Variants in TNR observed in about 807,000 individuals in gnomAD.
TNR encodes the protein tenascin-R.
A neutral mutation model predicts 150.4 loss-of-function variants in TNR; 45 were observed. That is an observed-to-expected ratio of 0.30 (90% CI 0.24 to 0.38). TNR has a LOEUF of 0.38. Among genes scored for constraint, TNR ranks in the 10% least tolerant of loss-of-function variants. The pLI, the probability that TNR is intolerant of heterozygous loss-of-function variation, is 1.00. For synonymous variants in TNR, 687 were observed against 678.4 expected, an observed-to-expected ratio of 1.01 and a Z score of -0.20; for missense variants, 1,544 against 1,759.1, an observed-to-expected ratio of 0.88 and a Z score of 2.19.
chr1:175,735,077 T>G (rs758763951), intron 1 of TNR, among the ~76,000 whole-genome samples: 4 of 152,256 alleles, frequency 2.6e-5, no homozygotes, highest in Non-Finnish European at 4.4e-5. Flanking sequence ...TGGCACAGAC[T>G]GGGTCACCGT....
At position 175,640,936 on chromosome 1, in the gene TNR, T is replaced by C. The variant is rs145181844; in HGVS notation, c.-165+102290A>G. On this transcript the variant is annotated intron_variant, in intron 1 of 22. Transcript: ENST00000367674. ...TTGTATGAGATTATGTAACTGCCTA[T>C]GTGCTGCTGGAAAAAGGTAACAACC... 3.2e-3 allele frequency among the ~76,000 whole-genome samples: 490 copies of C among 152,234 alleles called. 1 individual carries two copies. The highest frequency in any genetic ancestry group is 0.011 in the African/African-American group (469 of 41,536).
chr1:175,389,027 A>G (rs887454625), intron 7 of TNR, among the ~76,000 whole-genome samples: 1 of 152,296 alleles, frequency 6.6e-6, no homozygotes, highest in African/African-American at 2.4e-5. Context: ...TTTGTCTTTT[A>G]CTAATACTTT....
intron 1 of TNR, among the ~76,000 whole-genome samples, chr1:175,626,093 T>C (rs1664147056): frequency 6.6e-6 from 1 of 152,168 alleles, no homozygotes; most frequent in Non-Finnish European, 1.5e-5. Flanking sequence ...TCATTCTCTC[T>C]TGCCACTGCC....
intron 1 of TNR, among the ~76,000 whole-genome samples, chr1:175,531,627 C>T (rs1045789902): frequency 1.3e-5 from 2 of 152,224 alleles, no homozygotes; most frequent in African/African-American, 4.8e-5. Context: ...GACTCTCCAG[C>T]AGCTTCAGTA....
At chr1:175,536,237 C>A (rs1660275375) in intron 1 of TNR, among the ~76,000 whole-genome samples, 1 of 152,134 alleles carries the variant, frequency 6.6e-6, no homozygotes, top group Non-Finnish European at 1.5e-5. Flanking sequence ...GATTCGTGTG[C>A]TTCACTAGGC....
At position 175,366,044 on chromosome 1, in the gene TNR, G is replaced by A. The variant is rs1361756428; in HGVS notation, c.2148C>T (p.Tyr716=). The A allele has an allele frequency of 2.5e-6, 4 of 1,613,998 alleles. No individual in the cohort carries two copies. Among genetic ancestry groups the A allele is most frequent in the Non-Finnish European group, 3.4e-6 (4 of 1,179,998 alleles). The change falls in exon 11 of 23, where the codon TAC becomes TAT. Residue 716 remains tyrosine (Y), a synonymous_variant. Transcript: ENST00000367674. ...WTKASGPIDH[Y]RITFTPSSGI... ...CAGAGGATGGGGTAAAGGTAATTCG[G>A]TAGTGGTCAATGGGGCCACTGGCCT...
At chr1:175,633,079 A>G (rs1214831544) in intron 1 of TNR, among the ~76,000 whole-genome samples, 1 of 152,088 alleles carries the variant, frequency 6.6e-6, no homozygotes, top group African/African-American at 2.4e-5. Context: ...TCCCTGCTTT[A>G]CAACTATTTA....
Position 175,323,076 on chromosome 1 carries a change from T to G in TNR, c.*281A>C, listed in dbSNP as rs1267712348. On this transcript the variant is annotated 3_prime_UTR_variant, in exon 23 of 23. Transcript: ENST00000367674. ...CTGCACCCCACGACTTGGCTTTGAA[T>G]TGGCCCTTTAAGAAAACTTCCTACT... is the stretch of plus-strand genomic sequence containing the variant. 1 of 314,064 alleles carries G rather than the reference T, an allele frequency of 3.2e-6. No homozygotes were observed. The highest frequency in any genetic ancestry group is 6.2e-5 in the East Asian group (1 of 16,028). The allele number at this position is 314,064 out of a possible 1,614,324, so 19.5% of individuals were successfully genotyped here.
At chr1:175,617,208 CG>C (rs1418197156) in intron 1 of TNR, among the ~76,000 whole-genome samples, 2 of 152,162 alleles carry the variant, frequency 1.3e-5, no homozygotes, top group African/African-American at 4.8e-5. Flanking sequence ...TTTCTGATAC[CG>C]GAACACCTTT....
chr1:175,550,898 C>T (rs184002375), intron 1 of TNR, among the ~76,000 whole-genome samples: 5 of 151,906 alleles, frequency 3.3e-5, no homozygotes, highest in Non-Finnish European at 5.9e-5. Flanking sequence ...ATTAAGATAA[C>T]AGGGAAAAAT....
chr1:175,650,852 CCCATCT>C (rs1664951901), intron 1 of TNR, among the ~76,000 whole-genome samples: 3 of 60,542 alleles, frequency 5.0e-5, no homozygotes, highest in East Asian at 4.3e-4. Context: ...CTCATTACTA[CCCATCT>C]CCCACCTCAT....
intron 1 of TNR, among the ~76,000 whole-genome samples, chr1:175,607,455 C>T (rs776152225): frequency 9.2e-5 from 14 of 152,214 alleles, no homozygotes; most frequent in Non-Finnish European, 1.8e-4. Flanking sequence ...AGATTGGAAA[C>T]ATTTCCCCAA....
chr1:175,586,123 A>G (rs10913022), intron 1 of TNR, among the ~76,000 whole-genome samples: 14,413 of 152,138 alleles, frequency 0.095, 772 homozygotes, highest in Middle Eastern at 0.15. Flanking sequence ...TAATGACTCA[A>G]TCTTTGGTGA....
chr1:175,563,599 A>G (rs1661517904), intron 1 of TNR, among the ~76,000 whole-genome samples: 1 of 152,158 alleles, frequency 6.6e-6, no homozygotes, highest in Non-Finnish European at 1.5e-5. Flanking sequence ...CCATCAATTA[A>G]ATTAGGGCAG....
chr1:175,379,537 A>G lies in TNR; in HGVS notation c.1963+15T>C, dbSNP rs1571360653. 6.2e-7 allele frequency: 1 copy of G among 1,608,946 alleles called. No individual in the cohort carries two copies. The highest frequency in any genetic ancestry group is 8.5e-7 in the Non-Finnish European group (1 of 1,177,378). ...TCAGCAACCAGCATAACCCCAAGAG[A>G]TAGGTCTTACTCACCTGTCAGGGTG... On this transcript the variant is annotated intron_variant, in intron 9 of 22. Transcript: ENST00000367674.
chr1:175,478,227 T>C (rs1031424865), intron 2 of TNR, among the ~76,000 whole-genome samples: 3 of 152,150 alleles, frequency 2.0e-5, no homozygotes, highest in African/African-American at 7.2e-5. Context: ...TCCTACACAG[T>C]TTTCAAGTGA....
chr1:175,509,235 A>G (rs1659071453), intron 2 of TNR, among the ~76,000 whole-genome samples: 1 of 152,160 alleles, frequency 6.6e-6, no homozygotes. Context: ...TGATAACAGT[A>G]AAAAAAGAAA....
At chr1:175,416,495 A>T (rs1654457761) in intron 2 of TNR, among the ~76,000 whole-genome samples, 3 of 152,242 alleles carry the variant, frequency 2.0e-5, no homozygotes, top group Non-Finnish European at 1.5e-5. Flanking sequence ...TCTATTTTTC[A>T]TCTGTGTTTC....
intron 1 of TNR, among the ~76,000 whole-genome samples, chr1:175,578,423 T>G (rs1331344979): frequency 6.6e-6 from 1 of 151,884 alleles, no homozygotes; most frequent in Non-Finnish European, 1.5e-5. Context: ...ATCAACAGGA[T>G]AGATGCTGTG....
Sources: gnomAD v4.1 joint callset for allele counts (sites outside exome capture counted in the v4.1 genomes callset) on GRCh38, gnomAD v4.1.1 for gene constraint, MANE v1.5 for transcripts, NCBI Gene and HGNC (gene_info 2026-07-23, HGNC 2026-07-21) for gene names.